Variants in ZC3H12B observed in about 807,000 individuals in gnomAD.
ZC3H12B encodes the protein zinc finger CCCH-type containing 12B, also known as probable ribonuclease ZC3H12B.
In ZC3H12B, 7 loss-of-function variants were observed where a neutral mutation model predicts 43.9. That is an observed-to-expected ratio of 0.16 (90% CI 0.09 to 0.30). ZC3H12B has a LOEUF of 0.30. Among genes scored for constraint, ZC3H12B ranks in the 10% least tolerant of loss-of-function variants. The pLI, the probability that ZC3H12B is intolerant of heterozygous loss-of-function variation, is 1.00. For synonymous variants in ZC3H12B, 222 were observed against 241.7 expected (o/e 0.92, Z 0.76); for missense variants, 475 against 670.2 (o/e 0.71, Z 3.22).
chrX:65,249,243 G>C, the ZC3H12B span, among the ~76,000 whole-genome samples: 4 of 111,865 alleles, frequency 3.6e-5, no homozygotes, highest in Middle Eastern at 9.2e-3. Flanking sequence ...AAGCCATCTT[G>C]ATTTCTGTGT....
chrX:65,463,575 T>A (rs567049919), intron 3 of ZC3H12B, among the ~76,000 whole-genome samples: 1 of 111,496 alleles, frequency 9.0e-6, no homozygotes, highest in South Asian at 3.8e-4. Flanking sequence ...CTGCACTCTT[T>A]CCGGAGTTTA....
chrX:65,382,007 C>T (rs1408115051), intron 2 of ZC3H12B, among the ~76,000 whole-genome samples: 4 of 111,683 alleles, frequency 3.6e-5, no homozygotes, highest in Non-Finnish European at 3.8e-5. Flanking sequence ...GATTCACAGC[C>T]GATTCTACCA....
the ZC3H12B span, among the ~76,000 whole-genome samples, chrX:65,160,144 G>A: frequency 4.5e-5 from 5 of 111,764 alleles, no homozygotes; most frequent in Non-Finnish European, 9.4e-5. Flanking sequence ...GGTTTTTGAT[G>A]TGCTGCTGGA....
At chrX:65,164,684 A>C in the ZC3H12B span, among the ~76,000 whole-genome samples, 5 of 112,087 alleles carry the variant, frequency 4.5e-5, no homozygotes, top group Admixed American at 1.9e-4. Context: ...CAGCTATGTT[A>C]GATTTCTTTT....
At chrX:65,439,950 C>T (rs1481018609) in intron 3 of ZC3H12B, among the ~76,000 whole-genome samples, 5 of 110,818 alleles carry the variant, frequency 4.5e-5, no homozygotes, top group Non-Finnish European at 5.7e-5. Flanking sequence ...GTATCCAAAT[C>T]GGCTGTTGAT....
chrX:65,487,748 G>C (rs1246132418), upstream of ZC3H12B, among the ~76,000 whole-genome samples: 1 of 112,527 alleles, frequency 8.9e-6, no homozygotes, highest in Non-Finnish European at 1.9e-5. Context: ...ACACCTCTCT[G>C]TTAACCCTTA....
chrX:65,434,369 C>T (rs1484235833), intron 3 of ZC3H12B, among the ~76,000 whole-genome samples: 1 of 112,187 alleles, frequency 8.9e-6, no homozygotes, highest in Non-Finnish European at 1.9e-5. Flanking sequence ...GCCTTTGAAT[C>T]CCTTCCTCTA....
intron 2 of ZC3H12B, among the ~76,000 whole-genome samples, chrX:65,379,260 G>A (rs1262534247): frequency 8.9e-6 from 1 of 111,790 alleles, no homozygotes; most frequent in Non-Finnish European, 1.9e-5. Flanking sequence ...CTGGAGATCC[G>A]AGAAAGGGCA....
chrX:65,449,370 G>A (rs1182159665), intron 3 of ZC3H12B, among the ~76,000 whole-genome samples: 1 of 111,722 alleles, frequency 9.0e-6, no homozygotes, highest in Non-Finnish European at 1.9e-5. Flanking sequence ...TGTAATCCTA[G>A]CACATTGGGA....
the ZC3H12B span, among the ~76,000 whole-genome samples, chrX:65,101,747 TAAC>T: frequency 8.9e-6 from 1 of 111,741 alleles, no homozygotes; most frequent in African/African-American, 3.3e-5. Flanking sequence ...AGGCAGTAAT[TAAC>T]AACCTACCAA....
chrX:65,504,666 A>C (rs2068408307), exon 5 of ZC3H12B: 1 of 112,754 alleles, frequency 8.9e-6, no homozygotes, highest in African/African-American at 3.2e-5. Flanking sequence ...ATGGTGAATA[A>C]AAAAGCTTCA....
At chrX:65,308,062 A>C in the ZC3H12B span, among the ~76,000 whole-genome samples, 26 of 111,775 alleles carry the variant, frequency 2.3e-4, no homozygotes, top group South Asian at 9.6e-3. Context: ...CCTCATAAGA[A>C]GACCTGTACT....
chrX:65,112,141 A>C, the ZC3H12B span, among the ~76,000 whole-genome samples: 1 of 112,237 alleles, frequency 8.9e-6, no homozygotes. Context: ...AGAAACTTCT[A>C]ATGGCCTGGA....
At chrX:65,048,410 AT>A in the ZC3H12B span, among the ~76,000 whole-genome samples, 1 of 111,209 alleles carries the variant, frequency 9.0e-6, no homozygotes, top group Non-Finnish European at 1.9e-5. Flanking sequence ...ACTGTTTTCA[AT>A]TCTTTTGGAT....
the ZC3H12B span, among the ~76,000 whole-genome samples, chrX:65,146,934 T>C: frequency 8.9e-6 from 1 of 111,866 alleles, no homozygotes; most frequent in Non-Finnish European, 1.9e-5. Flanking sequence ...TCTGATTTAT[T>C]CTTGCAGCTG....
At chrX:65,122,156 A>T in the ZC3H12B span, among the ~76,000 whole-genome samples, 2 of 111,317 alleles carry the variant, frequency 1.8e-5, no homozygotes, top group South Asian at 7.5e-4. Flanking sequence ...GTAGATGTCT[A>T]TTAGGTCTGC....
At chrX:65,349,868 A>T in the ZC3H12B span, among the ~76,000 whole-genome samples, 6 of 112,041 alleles carry the variant, frequency 5.4e-5, no homozygotes, top group Admixed American at 9.5e-5. Context: ...TTCATAGCCT[A>T]ACAACCAAAA....
At chrX:65,454,814 G>A (rs1175633589) in intron 3 of ZC3H12B, among the ~76,000 whole-genome samples, 1 of 111,780 alleles carries the variant, frequency 8.9e-6, no homozygotes, top group East Asian at 2.8e-4. Flanking sequence ...AACATTTGCT[G>A]TTCACCAATA....
At chrX:65,166,249 G>C in the ZC3H12B span, among the ~76,000 whole-genome samples, 2 of 110,707 alleles carry the variant, frequency 1.8e-5, no homozygotes, top group East Asian at 5.7e-4. Flanking sequence ...CTGTGTCCAA[G>C]TGTACTCATT....
Sources: gnomAD v4.1 joint callset for allele counts (sites outside exome capture counted in the v4.1 genomes callset) on GRCh38, gnomAD v4.1.1 for gene constraint, MANE v1.5 for transcripts, NCBI Gene and HGNC (gene_info 2026-07-23, HGNC 2026-07-21) for gene names.